The following MTBP variants were observed in gnomAD, a reference collection of about 807,000 sequenced individuals.
MTBP encodes the protein mdm2-binding protein.
MTBP carries 101 observed loss-of-function variants against 117.0 expected under a neutral mutation model. The observed-to-expected ratio is 0.86, with a 90% confidence interval of 0.73 to 1.02. MTBP has a LOEUF of 1.02. Among genes scored for constraint, MTBP ranks in the 50% least tolerant of loss-of-function variants. The pLI, the probability that MTBP is intolerant of heterozygous loss-of-function variation, is 0.00. For synonymous variants in MTBP, 350 were observed against 351.5 expected, an observed-to-expected ratio of 1.00 and a Z score of 0.05; for missense variants, 970 against 1,030.9, an observed-to-expected ratio of 0.94 and a Z score of 0.81.
chr8:120,491,387 T>A (rs1814343821), intron 13 of MTBP, among the ~76,000 whole-genome samples: 1 of 152,200 alleles, frequency 6.6e-6, no homozygotes, highest in Non-Finnish European at 1.5e-5. Flanking sequence ...CAATTATTCA[T>A]GTAAAGATTG....
chr8:120,455,300 C>G (rs566411692), intron 5 of MTBP, 135 bp from the exon 6 acceptor site: 1 of 496,532 alleles, frequency 2.0e-6, no homozygotes, highest in East Asian at 3.5e-5. Context: ...AAACTAAAAG[C>G]TTCCTTTGTC....
intron 20 of MTBP, among the ~76,000 whole-genome samples, chr8:120,521,022 G>A (rs7015843): frequency 0.53 from 80,363 of 151,828 alleles, 24,542 homozygotes; most frequent in Non-Finnish European, 0.67. Flanking sequence ...AAATGGAAAA[G>A]ACAAGTCCTA....
intron 11 of MTBP, chr8:120,473,223 A>G (rs1166249877): frequency 6.6e-6 from 1 of 151,674 alleles, no homozygotes; most frequent in Admixed American, 6.6e-5. Flanking sequence ...TTATTTTTAA[A>G]TTTTTTTTGG....
chr8:120,494,138 A>G (rs1351044424), intron 13 of MTBP, among the ~76,000 whole-genome samples: 1 of 151,998 alleles, frequency 6.6e-6, no homozygotes, highest in Non-Finnish European at 1.5e-5. Context: ...CTAAAGTAGA[A>G]CCTCGACATT....
chr8:120,453,921 T>C lies in MTBP; in HGVS notation c.484+16T>C. On this transcript the variant is annotated intron_variant, in intron 5 of 21. Coordinates refer to ENST00000305949, the MANE Select transcript of MTBP (RefSeq NM_022045.5). ...CCTGCTCCTGGTAATATTTTATGAC[T>C]GCTTTCAATAATTTGTATCTTATCT... 1 of 1,494,868 alleles carries C rather than the reference T, an allele frequency of 6.7e-7. No homozygotes were observed. The highest frequency in any genetic ancestry group is 1.2e-5 in the South Asian group (1 of 81,064). The allele number at this position is 1,494,868 out of a possible 1,614,324, so 92.6% of individuals were successfully genotyped here. A position where few individuals can be genotyped will look rare whatever the true frequency, so the allele number is the denominator to read the frequency against.
intron 2 of MTBP, among the ~76,000 whole-genome samples, chr8:120,448,237 T>C (rs1813267627): frequency 6.6e-6 from 1 of 152,210 alleles, no homozygotes; most frequent in African/African-American, 2.4e-5. Context: ...CGACCTGGAC[T>C]TTCAATGTTG....
intron 7 of MTBP, among the ~76,000 whole-genome samples, chr8:120,457,144 G>C (rs531240380): frequency 6.6e-6 from 1 of 152,106 alleles, no homozygotes; most frequent in Non-Finnish European, 1.5e-5. Context: ...CTCAGATTTT[G>C]AACAAATTTT....
intron 2 of MTBP, among the ~76,000 whole-genome samples, chr8:120,448,882 T>C (rs1813279941): frequency 6.6e-6 from 1 of 152,278 alleles, no homozygotes; most frequent in East Asian, 1.9e-4. Context: ...GAAAGTACAA[T>C]ATGATTATAA....
At chr8:120,449,630 G>A (rs79380938) in intron 2 of MTBP, among the ~76,000 whole-genome samples, 1 of 152,108 alleles carries the variant, frequency 6.6e-6, no homozygotes, top group Non-Finnish European at 1.5e-5. Flanking sequence ...ACGGATAGTA[G>A]GGAGAACAGA....
intron 9 of MTBP, among the ~76,000 whole-genome samples, 174 bp from the exon 10 acceptor site, chr8:120,463,518 A>G (rs1813623720): frequency 6.6e-6 from 1 of 152,274 alleles, no homozygotes; most frequent in South Asian, 2.1e-4. Context: ...AATCAAACAA[A>G]TAATTGGAAA....
chr8:120,468,071 G>A (rs904633705), intron 10 of MTBP, among the ~76,000 whole-genome samples: 4 of 24,382 alleles, frequency 1.6e-4, no homozygotes, highest in Middle Eastern at 0.023. Flanking sequence ...GAAGTCTTAT[G>A]TATGCAAGAA....
intron 11 of MTBP, among the ~76,000 whole-genome samples, chr8:120,481,770 G>A (rs532654001): frequency 7.2e-5 from 11 of 152,076 alleles, no homozygotes; most frequent in Non-Finnish European, 1.0e-4. Context: ...ATGTACATAC[G>A]TAAATACATA....
chr8:120,447,573 T>A (rs1241757511), intron 2 of MTBP, among the ~76,000 whole-genome samples: 2 of 152,192 alleles, frequency 1.3e-5, no homozygotes, highest in Non-Finnish European at 2.9e-5. Context: ...ATAGTGTTGT[T>A]CTTTATAATT....
At chr8:120,499,365 G>C (rs1814533707) in intron 14 of MTBP, among the ~76,000 whole-genome samples, 1 of 151,636 alleles carries the variant, frequency 6.6e-6, no homozygotes. Flanking sequence ...AGTTTCAGTT[G>C]TTTTATGTTA....
At chr8:120,504,779 A>G (rs1183242226) in intron 15 of MTBP, among the ~76,000 whole-genome samples, 3 of 151,322 alleles carry the variant, frequency 2.0e-5, no homozygotes, top group African/African-American at 7.3e-5. Context: ...ATGTTTTTTA[A>G]TTTGATTTTT....
chr8:120,445,713 T>C, intron 1 of MTBP, 125 bp downstream of exon 1: 1 of 710,322 alleles, frequency 1.4e-6, no homozygotes, highest in South Asian at 2.3e-5. Context: ...GGACTCTATC[T>C]GGGATAGAGT....
chr8:120,501,255 G>A (rs897124605), intron 14 of MTBP, among the ~76,000 whole-genome samples: 13 of 141,512 alleles, frequency 9.2e-5, no homozygotes, highest in African/African-American at 2.1e-4. Flanking sequence ...CCAGCTACTC[G>A]GGAGGCTGAG....
At position 120,490,494 on chromosome 8, in the gene MTBP, T is replaced by C; in HGVS notation, c.1371T>C (p.His457=). 1 of 1,606,334 alleles carries C rather than the reference T, an allele frequency of 6.2e-7. No homozygotes were observed. The highest frequency in any genetic ancestry group is 8.5e-7 in the Non-Finnish European group (1 of 1,177,672). The stretch of plus-strand genomic sequence containing the variant: ...CTTTTGACTTATTATCACTTCCACA[T>C]TTTTCTGGGGAGCAGATTGTACAGA... The part of the protein sequence containing the change: ...SFPFDLLSLP[H]FSGEQIVQRE... Residue 457 remains histidine (H), a synonymous_variant, in exon 13 of 22, where the codon CAT becomes CAC. Coordinates refer to ENST00000305949, the MANE Select transcript of MTBP (RefSeq NM_022045.5).
chr8:120,514,141 G>A (rs1007621998), intron 17 of MTBP, among the ~76,000 whole-genome samples: 69 of 151,866 alleles, frequency 4.5e-4, no homozygotes, highest in African/African-American at 1.6e-3. Flanking sequence ...ATGTACGTAT[G>A]TATAGTGAAA....
Sources: gnomAD v4.1 joint callset for allele counts (sites outside exome capture counted in the v4.1 genomes callset) on GRCh38, gnomAD v4.1.1 for gene constraint, MANE v1.5 for transcripts, NCBI Gene and HGNC (gene_info 2026-07-23, HGNC 2026-07-21) for gene names.